The following DOCK2 variants were observed in gnomAD, a reference collection of about 807,000 sequenced individuals.
DOCK2 encodes the protein dedicator of cytokinesis protein 2.
In DOCK2, 87 loss-of-function variants were observed where a neutral mutation model predicts 248.9. The ratio of observed to expected loss-of-function variants is 0.35; its 90% CI spans 0.29 to 0.42. DOCK2 has a LOEUF of 0.42. Among genes scored for constraint, DOCK2 ranks in the 10% least tolerant of loss-of-function variants. DOCK2 has a pLI of 1.00. For missense variants in DOCK2, 1,747 were observed against 2,300.2 expected, an observed-to-expected ratio of 0.76 and a Z score of 4.92; for synonymous variants, 805 against 821.6, an observed-to-expected ratio of 0.98 and a Z score of 0.35.
chr5:169,940,974 G>T (rs1776220324), intron 27 of DOCK2, among the ~76,000 whole-genome samples: 1 of 152,200 alleles, frequency 6.6e-6, no homozygotes, highest in Non-Finnish European at 1.5e-5. Flanking sequence ...GAGAGACCCT[G>T]TTCCATACTA....
At chr5:169,638,325 C>T (rs902985433) in intron 1 of DOCK2, among the ~76,000 whole-genome samples, 19 of 152,078 alleles carry the variant, frequency 1.2e-4, no homozygotes, top group African/African-American at 2.4e-4. Context: ...TACTGGGTAC[C>T]GGGCACTGTG....
intron 27 of DOCK2, among the ~76,000 whole-genome samples, chr5:169,973,556 G>T (rs994425143): frequency 1.2e-4 from 19 of 152,124 alleles, no homozygotes; most frequent in African/African-American, 4.6e-4. Flanking sequence ...AAAATAATTT[G>T]TCCAGAGTTC....
At position 170,053,620 on chromosome 5, in the gene DOCK2, G is replaced by T. The variant is rs76336930; in HGVS notation, c.4214-1685G>T. 7.4e-3 allele frequency among the ~76,000 whole-genome samples: 1,133 copies of T among 152,296 alleles called. 15 individuals are homozygous for T. The highest frequency in any genetic ancestry group is 0.026 in the African/African-American group (1,098 of 41,566). On this transcript the variant is annotated intron_variant, in intron 41 of 51. Coordinates refer to ENST00000520908, the MANE Select transcript of DOCK2 (RefSeq NM_004946.3). The stretch of plus-strand genomic sequence containing the variant: ...CAGAGTGATTTTCTTCCCAGAGCAG[G>T]CTGTTGGCCACATGGCTTGAGAAAG...
At chr5:169,668,773 G>A (rs1190534346) in intron 2 of DOCK2, among the ~76,000 whole-genome samples, 2 of 152,122 alleles carry the variant, frequency 1.3e-5, no homozygotes, top group African/African-American at 2.4e-5. Context: ...GTTTTGTAAC[G>A]ACTAACTTTT....
intron 2 of DOCK2, among the ~76,000 whole-genome samples, chr5:169,666,546 C>G (rs137949672): frequency 5.3e-5 from 8 of 152,284 alleles, no homozygotes; most frequent in Middle Eastern, 3.4e-3. Context: ...GAATTTTTCT[C>G]TTTTGTACCA....
In DOCK2 at chr5:169,885,389, T is replaced by C. The variant is rs552617482; in HGVS notation, c.2799+44537T>C. Among the ~76,000 whole-genome samples the C allele has an allele frequency of 1.8e-4, 27 of 152,288 alleles. 1 individual carries two copies. The South Asian group carries it at 5.6e-3, about 32-fold the overall frequency. On this transcript the variant is annotated intron_variant, in intron 27 of 51. Coordinates refer to ENST00000520908, the MANE Select transcript of DOCK2 (RefSeq NM_004946.3). ...GATGGTTGGATGAAGGGCAGGTCCT[T>C]GTGAATTAAAGAGAGCCTGGGCATG...
chr5:169,938,564 T>C (rs1776093654), intron 27 of DOCK2, among the ~76,000 whole-genome samples: 2 of 152,206 alleles, frequency 1.3e-5, no homozygotes, highest in Admixed American at 1.3e-4. Flanking sequence ...TAAAAAATGG[T>C]CCACCTGTAC....
intron 36 of DOCK2, among the ~76,000 whole-genome samples, chr5:170,039,757 G>T (rs986719818): frequency 6.6e-6 from 1 of 152,170 alleles, no homozygotes. Flanking sequence ...ATTGAGACAC[G>T]CATTGAGTGG....
At chr5:169,909,075 T>C (rs1017797223) in intron 27 of DOCK2, among the ~76,000 whole-genome samples, 1 of 152,240 alleles carries the variant, frequency 6.6e-6, no homozygotes, top group Non-Finnish European at 1.5e-5. Flanking sequence ...CTGCTTTCAG[T>C]AGCTGCTGCT....
At chr5:169,864,497 G>A (rs943684938) in intron 27 of DOCK2, 27 of 1,439,038 alleles carry the variant, frequency 1.9e-5, no homozygotes, top group Admixed American at 4.6e-5. Flanking sequence ...AAGTGAATTC[G>A]AATCAGCACA....
chr5:170,044,664 A>G (rs1756636046), intron 38 of DOCK2, among the ~76,000 whole-genome samples: 1 of 152,076 alleles, frequency 6.6e-6, no homozygotes, highest in Non-Finnish European at 1.5e-5. Context: ...CCAGCACATA[A>G]AGCATTTTTA....
chr5:170,060,652 G>T (rs1757296664), intron 44 of DOCK2, among the ~76,000 whole-genome samples: 1 of 152,198 alleles, frequency 6.6e-6, no homozygotes, highest in Non-Finnish European at 1.5e-5. Flanking sequence ...GAACTCAGAG[G>T]TCATGAGAGA....
intron 26 of DOCK2, 83 bp from the exon 27 acceptor site, chr5:169,840,674 G>T: frequency 8.0e-7 from 1 of 1,255,420 alleles, no homozygotes; most frequent in Admixed American, 1.8e-5. Flanking sequence ...CACCATGTCT[G>T]ACCACTGTTG....
At chr5:169,731,909 C>T (rs769040114) in intron 22 of DOCK2, among the ~76,000 whole-genome samples, 50 of 151,994 alleles carry the variant, frequency 3.3e-4, no homozygotes, top group Admixed American at 1.3e-3. Flanking sequence ...CACCTGAGCT[C>T]AGGAGTTTGA....
Position 169,847,454 on chromosome 5 carries a change from G to A in DOCK2, c.2799+6602G>A, listed in dbSNP as rs867066215. 4.6e-5 allele frequency among the ~76,000 whole-genome samples: 7 copies of A among 152,220 alleles called. No homozygotes were observed. In the Middle Eastern group the frequency reaches 0.01, roughly 223 times the overall value. The stretch of plus-strand genomic sequence containing the variant: ...CATTTTCCTGATGATTAGTGATGTT[G>A]ATAATTTAGATAGAATATTCTCCCT... On this transcript the variant is annotated intron_variant, in intron 27 of 51. Transcript: ENST00000520908.
intron 26 of DOCK2, among the ~76,000 whole-genome samples, chr5:169,828,904 A>C (rs1274517960): frequency 6.6e-6 from 1 of 152,200 alleles, no homozygotes; most frequent in East Asian, 1.9e-4. Flanking sequence ...GCACAGACCT[A>C]ATCCCTGTCC....
intron 26 of DOCK2, among the ~76,000 whole-genome samples, chr5:169,839,354 A>G (rs1322334077): frequency 6.6e-6 from 1 of 152,232 alleles, no homozygotes; most frequent in Admixed American, 6.5e-5. Context: ...ATCGACCTTG[A>G]GAGAACCTTC....
intron 27 of DOCK2, among the ~76,000 whole-genome samples, chr5:169,847,356 G>C (rs948566764): frequency 1.3e-5 from 2 of 152,076 alleles, no homozygotes; most frequent in Non-Finnish European, 2.9e-5. Flanking sequence ...TGCCAACATC[G>C]ATTGTTTTTT....
At chr5:169,900,571 A>G (rs1042004636) in intron 27 of DOCK2, among the ~76,000 whole-genome samples, 3 of 152,204 alleles carry the variant, frequency 2.0e-5, no homozygotes, top group Admixed American at 6.5e-5. Context: ...AAGCAAACCT[A>G]AATGTCGAGT....
Sources: gnomAD v4.1 joint callset for allele counts (sites outside exome capture counted in the v4.1 genomes callset) on GRCh38, gnomAD v4.1.1 for gene constraint, MANE v1.5 for transcripts, NCBI Gene and HGNC (gene_info 2026-07-23, HGNC 2026-07-21) for gene names.